HACD2: variants seen among roughly 807,000 people sequenced by gnomAD.
The protein encoded by HACD2 is very-long-chain (3R)-3-hydroxyacyl-CoA dehydratase 2.
Under a neutral mutation model 31.0 loss-of-function variants are expected in HACD2, and 15 were observed. That is an observed-to-expected ratio of 0.48 (90% CI 0.32 to 0.75). The LOEUF is 0.75. HACD2 is among the 30% of genes least tolerant of loss of function. The probability of loss-of-function intolerance (pLI) is 0.03; values close to 1 mark genes in which losing one functional copy is unlikely to be tolerated. For missense variants in HACD2, 283 were observed against 313.0 expected (o/e 0.90, Z 0.72); for synonymous variants, 115 against 122.2 (o/e 0.94, Z 0.39).
intron 3 of HACD2, among the ~76,000 whole-genome samples, chr3:123,564,589 A>AT (rs947220102): frequency 2.0e-5 from 3 of 152,170 alleles, no homozygotes; most frequent in African/African-American, 7.2e-5. Flanking sequence ...CCAGAGGGTG[A>AT]TTTTTTGTAG....
intron 1 of HACD2, 86 bp from the exon 2 acceptor site, chr3:123,582,415 A>ATCTTT: frequency 1.2e-6 from 1 of 866,318 alleles, no homozygotes; most frequent in Non-Finnish European, 1.7e-6. Flanking sequence ...GCAATAAAAG[A>ATCTTT]TATTGCTAAA....
chr3:123,579,991 G>A (rs1347553212), intron 2 of HACD2, among the ~76,000 whole-genome samples: 11 of 152,012 alleles, frequency 7.2e-5, no homozygotes, highest in Admixed American at 7.2e-4. Flanking sequence ...AGTCAGTTGG[G>A]AAAACTATTA....
chr3:123,562,184 A>C (rs1232989417), intron 3 of HACD2, among the ~76,000 whole-genome samples: 2 of 152,230 alleles, frequency 1.3e-5, no homozygotes, highest in African/African-American at 4.8e-5. Context: ...TCTTAGATTG[A>C]GGGCTGCAGC....
intron 1 of HACD2, among the ~76,000 whole-genome samples, chr3:123,582,781 C>A (rs1173374964): frequency 6.6e-6 from 1 of 152,042 alleles, no homozygotes; most frequent in Admixed American, 6.5e-5. Context: ...AATTGTCTCA[C>A]TGGAACAATT....
intron 2 of HACD2, among the ~76,000 whole-genome samples, chr3:123,574,692 GATAT>G (rs1217395145): frequency 1.3e-5 from 2 of 151,794 alleles, no homozygotes; most frequent in African/African-American, 4.8e-5. Context: ...TGTTTCATGT[GATAT>G]ATAAATATAT....
intron 3 of HACD2, among the ~76,000 whole-genome samples, chr3:123,534,240 C>G (rs2056399063): frequency 6.6e-6 from 1 of 152,118 alleles, no homozygotes; most frequent in South Asian, 2.1e-4. Context: ...CTGACAAAGA[C>G]CAGGTTGACA....
At chr3:123,553,638 C>T (rs2056642539) in intron 3 of HACD2, among the ~76,000 whole-genome samples, 1 of 152,198 alleles carries the variant, frequency 6.6e-6, no homozygotes, top group Non-Finnish European at 1.5e-5. Flanking sequence ...CTTCCATTTA[C>T]TATAAAAACA....
At chr3:123,502,841 C>A (rs1353758641) in intron 4 of HACD2, 160 bp from the exon 5 acceptor site, 4 of 663,122 alleles carry the variant, frequency 6.0e-6, no homozygotes, top group South Asian at 4.1e-5. Context: ...GAGCTGGGGC[C>A]TAGGATGACA....
chr3:123,562,042 C>CCTCA (rs1338483604), intron 3 of HACD2, among the ~76,000 whole-genome samples: 2 of 152,166 alleles, frequency 1.3e-5, no homozygotes, highest in Admixed American at 6.5e-5. Flanking sequence ...AAATTCCTGA[C>CCTCA]CTCAGGTGAT....
intron 4 of HACD2, among the ~76,000 whole-genome samples, chr3:123,528,080 A>G (rs982665904): frequency 6.6e-6 from 1 of 152,186 alleles, no homozygotes; most frequent in East Asian, 1.9e-4. Flanking sequence ...GCAACATGAT[A>G]CGAACAAGAT....
Position 123,584,922 on chromosome 3 carries a change from G to T in HACD2, c.106C>A (p.Pro36Thr). 1 of 1,529,292 alleles carries T rather than the reference G, an allele frequency of 6.5e-7. No homozygotes were observed. Among genetic ancestry groups the T allele is most frequent in the Non-Finnish European group, 8.8e-7 (1 of 1,138,008 alleles). 94.7% of individuals were successfully genotyped at this position (1,529,292 alleles called of 1,614,324 possible). The change falls in exon 1 of 7, where the codon CCC becomes ACC. Residue 36 changes from proline to threonine, a missense_variant. Coordinates refer to ENST00000383657, the MANE Select transcript of HACD2 (RefSeq NM_198402.5). The part of the protein sequence containing the change: ...SGTRKKKGPG[P>T]LATAYLVIYN... Reference sequence around the variant, plus strand: ...ATGACCAGGTACGCCGTGGCCAGGGGCCCCGGGCCCTTCTTCTTCCGCGTG... The same window carrying T: ...ATGACCAGGTACGCCGTGGCCAGGGTCCCCGGGCCCTTCTTCTTCCGCGTG...
chr3:123,497,524 A>C (rs1001275145), intron 6 of HACD2, among the ~76,000 whole-genome samples: 21 of 152,144 alleles, frequency 1.4e-4, no homozygotes, highest in African/African-American at 4.8e-4. Context: ...TAAAAATCAG[A>C]GGTGTGGTTA....
chr3:123,564,383 G>A (rs1300251223), intron 3 of HACD2, among the ~76,000 whole-genome samples: 1 of 152,188 alleles, frequency 6.6e-6, no homozygotes, highest in African/African-American at 2.4e-5. Flanking sequence ...ATGATTAAGG[G>A]ACAAGGAAAG....
At chr3:123,562,407 C>T (rs966055248) in intron 3 of HACD2, among the ~76,000 whole-genome samples, 25 of 150,964 alleles carry the variant, frequency 1.7e-4, no homozygotes, top group African/African-American at 6.1e-4. Flanking sequence ...AATGAAGGGC[C>T]CTGAAGTGCT....
chr3:123,545,538 C>A (rs1470777295), intron 3 of HACD2, among the ~76,000 whole-genome samples: 2 of 110,990 alleles, frequency 1.8e-5, no homozygotes, highest in African/African-American at 4.1e-5. Context: ...GAAATAAAGT[C>A]TTTTTACTTT....
intron 2 of HACD2, among the ~76,000 whole-genome samples, chr3:123,580,408 C>T (rs971465439): frequency 6.6e-6 from 1 of 152,016 alleles, no homozygotes; most frequent in Non-Finnish European, 1.5e-5. Context: ...CCTGGGAAGT[C>T]AAGGCTGCAG....
Position 123,541,335 on chromosome 3 carries a change from A to G in HACD2, c.293-12861T>C, listed in dbSNP as rs538827961. Reference sequence around the variant, plus strand: ...AATAACACAAGATCTAATAAACAACAAGGTTGAGAGAATAAGTCATTTTCT... The same window carrying G: ...AATAACACAAGATCTAATAAACAACGAGGTTGAGAGAATAAGTCATTTTCT... On this transcript the variant is annotated intron_variant, in intron 3 of 6. Transcript: ENST00000383657. Among the ~76,000 whole-genome samples, 4 of 152,292 alleles carry G rather than the reference A, an allele frequency of 2.6e-5. No individual in the cohort carries two copies. The East Asian group carries it at 7.7e-4, about 29-fold the overall frequency.
intron 4 of HACD2, among the ~76,000 whole-genome samples, chr3:123,525,587 C>T (rs965880867): frequency 6.6e-5 from 10 of 152,148 alleles, no homozygotes; most frequent in Non-Finnish European, 1.2e-4. Flanking sequence ...TACACCCTAG[C>T]ACATCATGTA....
intron 3 of HACD2, among the ~76,000 whole-genome samples, chr3:123,556,906 CCT>C (rs1264789663): frequency 6.6e-6 from 1 of 152,208 alleles, no homozygotes; most frequent in Non-Finnish European, 1.5e-5. Context: ...CCACTACACG[CCT>C]ATTAGAATGT....
Sources: gnomAD v4.1 joint callset for allele counts (sites outside exome capture counted in the v4.1 genomes callset) on GRCh38, gnomAD v4.1.1 for gene constraint, MANE v1.5 for transcripts, NCBI Gene and HGNC (gene_info 2026-07-23, HGNC 2026-07-21) for gene names.